RALGAPA2: variants seen among roughly 807,000 people sequenced by gnomAD.
RALGAPA2 encodes Ral GTPase activating protein catalytic subunit alpha 2, also known as ral GTPase-activating protein subunit alpha-2.
RALGAPA2 carries 139 observed loss-of-function variants against 230.4 expected under a neutral mutation model. The ratio of observed to expected loss-of-function variants is 0.60; its 90% CI spans 0.53 to 0.69. RALGAPA2 has a LOEUF of 0.69. RALGAPA2 is among the 30% of genes least tolerant of loss of function. The pLI is 0.00. For missense variants in RALGAPA2, 2,163 were observed against 2,276.0 expected, an observed-to-expected ratio of 0.95 and a Z score of 1.01; for synonymous variants, 847 against 837.8, an observed-to-expected ratio of 1.01 and a Z score of -0.19.
At chr20:20,409,530 G>A (rs1324663719) in intron 38 of RALGAPA2, among the ~76,000 whole-genome samples, 1 of 152,158 alleles carries the variant, frequency 6.6e-6, no homozygotes, top group Non-Finnish European at 1.5e-5. Context: ...AGCTTAAGCC[G>A]CTCAGGGTCA....
chr20:20,550,528 G>C (rs956052627), intron 23 of RALGAPA2, among the ~76,000 whole-genome samples: 1 of 152,192 alleles, frequency 6.6e-6, no homozygotes, highest in Non-Finnish European at 1.5e-5. Context: ...CCTGCAGAGA[G>C]GAGGAAAGGG....
chr20:20,641,615 C>T (rs2067033263), intron 5 of RALGAPA2, among the ~76,000 whole-genome samples: 1 of 151,702 alleles, frequency 6.6e-6, no homozygotes, highest in South Asian at 2.1e-4. Context: ...AATTCAAAAG[C>T]ACATGTCCCT....
chr20:20,539,823 T>C (rs1331623354), intron 24 of RALGAPA2, among the ~76,000 whole-genome samples: 1 of 152,084 alleles, frequency 6.6e-6, no homozygotes, highest in Non-Finnish European at 1.5e-5. Flanking sequence ...CTTCTAGGAG[T>C]TGGACTTTTT....
intron 10 of RALGAPA2, among the ~76,000 whole-genome samples, chr20:20,629,085 A>C (rs1477994894): frequency 6.6e-6 from 1 of 152,154 alleles, no homozygotes; most frequent in Non-Finnish European, 1.5e-5. Context: ...TTTGTTATAA[A>C]AACATGAAAG....
intron 1 of RALGAPA2, among the ~76,000 whole-genome samples, chr20:20,699,228 T>C (rs1249844003): frequency 6.6e-6 from 1 of 152,250 alleles, no homozygotes; most frequent in Non-Finnish European, 1.5e-5. Context: ...AGGTGATGTG[T>C]CTGTTTCTAT....
intron 18 of RALGAPA2, among the ~76,000 whole-genome samples, chr20:20,586,350 T>C (rs1464677056): frequency 6.6e-6 from 1 of 152,212 alleles, no homozygotes; most frequent in East Asian, 1.9e-4. Context: ...AGTAGCACTC[T>C]CCATGTGGTG....
chr20:20,693,535 C>T (rs1246320679), intron 1 of RALGAPA2, among the ~76,000 whole-genome samples: 4 of 152,144 alleles, frequency 2.6e-5, no homozygotes, highest in Non-Finnish European at 5.9e-5. Flanking sequence ...AAAATGACTA[C>T]AGCCTAGGAG....
At chr20:20,539,546 C>T (rs2063585474) in intron 24 of RALGAPA2, among the ~76,000 whole-genome samples, 1 of 152,110 alleles carries the variant, frequency 6.6e-6, no homozygotes, top group South Asian at 2.1e-4. Context: ...TTTTGATACA[C>T]AAATACATTA....
intron 16 of RALGAPA2, among the ~76,000 whole-genome samples, chr20:20,593,423 C>T (rs1005207130): frequency 1.3e-5 from 2 of 152,266 alleles, no homozygotes; most frequent in African/African-American, 4.8e-5. Context: ...GTACAGACTA[C>T]GTCCTTCTCA....
At position 20,698,634 on chromosome 20, in the gene RALGAPA2, A is replaced by C. The variant is rs562358083; in HGVS notation, c.106+13741T>G. 2.1e-3 allele frequency among the ~76,000 whole-genome samples: 324 copies of C among 152,300 alleles called. 2 individuals carry two copies. Among genetic ancestry groups the C allele is most frequent in the Non-Finnish European group, 3.5e-3 (240 of 68,024 alleles). Reference sequence around the variant, plus strand: ...AGGCTGGCCTCAAACTCCTGACCTCAGGTGATCTGCCCACCTCAGCCTCCC... The same window carrying C: ...AGGCTGGCCTCAAACTCCTGACCTCCGGTGATCTGCCCACCTCAGCCTCCC... On this transcript the variant is annotated intron_variant, in intron 1 of 39. Coordinates refer to ENST00000202677, the MANE Select transcript of RALGAPA2 (RefSeq NM_020343.4).
At chr20:20,559,158 T>G (rs1234993111) in intron 23 of RALGAPA2, among the ~76,000 whole-genome samples, 1 of 152,188 alleles carries the variant, frequency 6.6e-6, no homozygotes, top group Non-Finnish European at 1.5e-5. Context: ...ACAAGTAAAA[T>G]TACTCCACCT....
At chr20:20,452,608 C>T (rs1028038042) in intron 37 of RALGAPA2, among the ~76,000 whole-genome samples, 4 of 152,006 alleles carry the variant, frequency 2.6e-5, no homozygotes, top group Admixed American at 6.6e-5. Context: ...CAAGCGGCAA[C>T]GGCCCAGCGA....
chr20:20,526,337 A>G lies in RALGAPA2; in HGVS notation c.3608T>C (p.Val1203Ala). Residue 1203 changes from valine to alanine, a missense_variant, in exon 28 of 40, where the codon GTA becomes GCA. By Grantham distance (64) the Val-to-Ala change is moderately conservative. Coordinates refer to ENST00000202677, the MANE Select transcript of RALGAPA2 (RefSeq NM_020343.4). The part of the protein sequence containing the change: ...LKFPNKIVAQ[V>A]ACDVLQLLVS... Reference sequence around the variant, plus strand: ...CAGCAACTGAAGGACATCGCAAGCTACCTGGGCCACGATTTTGTTGGGAAA... The same window carrying G: ...CAGCAACTGAAGGACATCGCAAGCTGCCTGGGCCACGATTTTGTTGGGAAA... 6.2e-7 allele frequency: 1 copy of G among 1,600,724 alleles called. No homozygotes were observed. Among genetic ancestry groups the G allele is most frequent in the South Asian group, 1.1e-5 (1 of 87,496 alleles).
intron 37 of RALGAPA2, among the ~76,000 whole-genome samples, chr20:20,447,667 TATC>T (rs1269411833): frequency 6.6e-6 from 1 of 151,554 alleles, no homozygotes; most frequent in Non-Finnish European, 1.5e-5. Context: ...AACAGTCAAA[TATC>T]AACAACTTCA....
intron 36 of RALGAPA2, among the ~76,000 whole-genome samples, chr20:20,494,033 C>T (rs1414307896): frequency 6.6e-5 from 10 of 152,154 alleles, no homozygotes; most frequent in Non-Finnish European, 1.5e-4. Context: ...TAAGTATTCT[C>T]TCTCCATAGT....
At chr20:20,711,020 A>ACGCCACACTTCACT (rs2069839112) in intron 1 of RALGAPA2, among the ~76,000 whole-genome samples, 1 of 152,116 alleles carries the variant, frequency 6.6e-6, no homozygotes, top group African/African-American at 2.4e-5. Flanking sequence ...TTTACCAAGA[A>ACGCCACACTTCACT]CGCCACACTT....
intron 1 of RALGAPA2, among the ~76,000 whole-genome samples, chr20:20,691,204 C>T (rs941910975): frequency 6.6e-5 from 10 of 152,298 alleles, no homozygotes; most frequent in African/African-American, 2.4e-4. Flanking sequence ...ACTCTTCAAC[C>T]TTACTGGGTC....
chr20:20,435,527 T>C (rs543964030), intron 37 of RALGAPA2, among the ~76,000 whole-genome samples: 2 of 152,342 alleles, frequency 1.3e-5, no homozygotes, highest in East Asian at 3.9e-4. Flanking sequence ...TACGGAATCA[T>C]ATTATATCTG....
At chr20:20,405,289 T>C (rs1306501241) in intron 38 of RALGAPA2, among the ~76,000 whole-genome samples, 4 of 152,246 alleles carry the variant, frequency 2.6e-5, no homozygotes, top group Non-Finnish European at 5.9e-5. Context: ...TATTAATAAA[T>C]AGCCATTTTT....
Sources: allele counts gnomAD v4.1 joint callset (sites outside exome capture counted in the v4.1 genomes callset), GRCh38; gene constraint gnomAD v4.1.1; transcripts MANE v1.5; gene names NCBI Gene and HGNC (gene_info 2026-07-23, HGNC 2026-07-21).